Variants in GNE observed in about 807,000 individuals in gnomAD.
GNE encodes glucosamine (UDP-N-acetyl)-2-epimerase/N-acetylmannosamine kinase.
GNE carries 41 observed loss-of-function variants against 61.8 expected under a neutral mutation model. The ratio of observed to expected loss-of-function variants is 0.66; its 90% CI spans 0.52 to 0.86. The LOEUF is 0.86. Among genes scored for constraint, GNE ranks in the 40% least tolerant of loss-of-function variants. The pLI is 0.00. For missense variants in GNE, 608 were observed against 909.1 expected (o/e 0.67, Z 4.26); for synonymous variants, 264 against 326.4 (o/e 0.81, Z 2.06).
rs987936948 is a variant in GNE at position 36,214,732 on chromosome 9, T to C, written c.*2633A>G. 2 of 152,132 alleles carry C rather than the reference T, an allele frequency of 1.3e-5. No homozygotes were observed. The highest frequency in any genetic ancestry group is 3.9e-4 in the East Asian group (2 of 5,190). The allele number at this position is 152,132 out of a possible 1,614,324, so 9.4% of individuals were successfully genotyped here. On this transcript the variant is annotated 3_prime_UTR_variant, in exon 12 of 12. Coordinates refer to ENST00000642385, the MANE Select transcript of GNE (RefSeq NM_005476.7). The stretch of plus-strand genomic sequence containing the variant: ...AGAACAGATGTCCCTTCCCAGAACA[T>C]TATCTCACCCCAGACTCAGAAACTG...
chr9:36,247,213 C>T (rs1001930117), intron 2 of GNE, among the ~76,000 whole-genome samples: 3 of 152,018 alleles, frequency 2.0e-5, no homozygotes, highest in East Asian at 1.9e-4. Flanking sequence ...TGTGCCATCA[C>T]GCCCAGCTAA....
rs80154722 is a variant in GNE at position 36,263,903 on chromosome 9, G to A, written c.51+12991C>T. On this transcript the variant is annotated intron_variant, in intron 1 of 11. Transcript: ENST00000396594. ...ACAATGGTAATTAGCTAATGTGCAT[G>A]TTAAAGTAGCTCTCTGAAACATCTG... Among the ~76,000 whole-genome samples, 1,459 of 152,268 alleles carry A rather than the reference G, an allele frequency of 9.6e-3. 24 individuals are homozygous for A. Among genetic ancestry groups the A allele is most frequent in the African/African-American group, 0.033 (1,389 of 41,542 alleles).
chr9:36,237,093 G>T, intron 3 of GNE, 109 bp from the exon 4 acceptor site: 1 of 850,034 alleles, frequency 1.2e-6, no homozygotes, highest in Non-Finnish European at 1.9e-6. Context: ...AAAATTCTAC[G>T]ATAGAAACAG....
intron 3 of GNE, among the ~76,000 whole-genome samples, chr9:36,243,958 G>GT (rs35554420): frequency 4.8e-5 from 7 of 146,984 alleles, no homozygotes; most frequent in African/African-American, 7.5e-5. Flanking sequence ...ATTGTTTTTT[G>GT]TTTTTTTTTG....
chr9:36,256,297 T>G (rs1430777736), intron 1 of GNE, among the ~76,000 whole-genome samples: 3 of 133,410 alleles, frequency 2.2e-5, no homozygotes, highest in South Asian at 2.3e-4. Flanking sequence ...CAGGCTGGAG[T>G]GCAGTGGTGC....
At chr9:36,255,617 G>A (rs1830298307) in intron 1 of GNE, among the ~76,000 whole-genome samples, 3 of 152,136 alleles carry the variant, frequency 2.0e-5, no homozygotes, top group Admixed American at 2.0e-4. Context: ...GGGTGACAGA[G>A]TGAGACCCTA....
intron 1 of GNE, among the ~76,000 whole-genome samples, chr9:36,264,463 G>C (rs1420016771): frequency 6.6e-6 from 1 of 152,066 alleles, no homozygotes; most frequent in Admixed American, 6.6e-5. Flanking sequence ...AAGATGCCCT[G>C]TTCCTTGCAT....
chr9:36,250,376 TG>T (rs1387885332), intron 1 of GNE, among the ~76,000 whole-genome samples: 2 of 152,206 alleles, frequency 1.3e-5, no homozygotes, highest in African/African-American at 4.8e-5. Context: ...AGATATCTCC[TG>T]CTGTATGTCC....
intron 3 of GNE, among the ~76,000 whole-genome samples, chr9:36,245,419 T>TCA (rs1405657833): frequency 6.6e-6 from 1 of 151,950 alleles, no homozygotes; most frequent in African/African-American, 2.4e-5. Flanking sequence ...GTGCAGTGGC[T>TCA]CACACCTGTA....
intron 9 of GNE, among the ~76,000 whole-genome samples, chr9:36,221,247 G>A (rs1230493872): frequency 2.6e-5 from 4 of 152,184 alleles, no homozygotes; most frequent in Non-Finnish European, 4.4e-5. Flanking sequence ...CTTGAATCTG[G>A]GAGGCAGTGA....
chr9:36,238,905 G>A (rs1434259426), intron 3 of GNE, among the ~76,000 whole-genome samples: 3 of 152,260 alleles, frequency 2.0e-5, no homozygotes, highest in Non-Finnish European at 4.4e-5. Flanking sequence ...GTTGATTTTT[G>A]TATAAGGTGA....
chr9:36,250,523 C>T (rs1172982859), intron 1 of GNE, among the ~76,000 whole-genome samples: 1 of 152,090 alleles, frequency 6.6e-6, no homozygotes, highest in Non-Finnish European at 1.5e-5. Context: ...TGTTCTTCAC[C>T]CCATATCTCC....
chr9:36,227,328 C>T lies in GNE; in HGVS notation c.1201G>A (p.Asp401Asn). 1 of 1,612,112 alleles carries T rather than the reference C, an allele frequency of 6.2e-7. No individual in the cohort carries two copies. The highest frequency in any genetic ancestry group is 8.5e-7 in the Non-Finnish European group (1 of 1,178,162). Residue 401 changes from aspartate to asparagine, a missense_variant, in exon 7 of 12, where the codon GAC (aspartate) becomes AAC (asparagine). Transcript: ENST00000642385. ...GCACTTAGAGTTTCAAGAATATGGT[C>T]AATATCTTGAGAGATATTCTCCTTC... ...PVKENISQDI[D>N]HILETLSALA...
At chr9:36,223,296 C>A (rs1161235862) in intron 8 of GNE, 77 bp downstream of exon 8, 15 of 1,329,914 alleles carry the variant, frequency 1.1e-5, no homozygotes, top group Non-Finnish European at 1.5e-5. Flanking sequence ...TGACTTGATG[C>A]TCAGGCATGC....
At chr9:36,273,175 A>G (rs1370141985) in intron 1 of GNE, among the ~76,000 whole-genome samples, 2 of 151,984 alleles carry the variant, frequency 1.3e-5, no homozygotes, top group Non-Finnish European at 2.9e-5. Context: ...GGAGGAAGAT[A>G]TACATTGGAG....
chr9:36,270,557 G>A (rs947619772), intron 1 of GNE, among the ~76,000 whole-genome samples: 19 of 138,172 alleles, frequency 1.4e-4, no homozygotes, highest in African/African-American at 3.6e-4. Context: ...TCGCTCTTTC[G>A]CCCAGGCCGT....
upstream of GNE, among the ~76,000 whole-genome samples, chr9:36,260,725 C>T (rs10972810): frequency 0.11 from 16,189 of 151,512 alleles, 1,210 homozygotes; most frequent in South Asian, 0.2. Flanking sequence ...AAACATTAGC[C>T]GGGCGTGGTG....
Position 36,217,535 on chromosome 9 carries a change from G to T in GNE, c.1999C>A (p.Leu667Ile). Residue 667 changes from leucine to isoleucine, a missense_variant, in exon 12 of 12, where the codon CTC becomes ATC. Leu to Ile is a conservative substitution (Grantham distance 5). Coordinates refer to ENST00000642385, the MANE Select transcript of GNE (RefSeq NM_005476.7). ...TAGTGACTGGCCAGGACTCCGGAGA[G>T]GATCACAAGGGAGGGATTCATGGTA... ...LHTMNPSLVI[L>I]SGVLASHYIH... 6.2e-7 allele frequency: 1 copy of T among 1,614,160 alleles called. No individual in the cohort carries two copies. The highest frequency in any genetic ancestry group is 1.3e-5 in the African/African-American group (1 of 75,048).
intron 5 of GNE, among the ~76,000 whole-genome samples, chr9:36,233,476 C>T (rs1829259132): frequency 6.6e-6 from 1 of 152,102 alleles, no homozygotes; most frequent in Admixed American, 6.6e-5. Context: ...ACCATCCTGG[C>T]TAACAAAGTG....
Sources: gnomAD v4.1 joint callset for allele counts (sites outside exome capture counted in the v4.1 genomes callset) on GRCh38, gnomAD v4.1.1 for gene constraint, MANE v1.5 for transcripts, NCBI Gene and HGNC (gene_info 2026-07-23, HGNC 2026-07-21) for gene names.